STRA6: variants seen among roughly 807,000 people sequenced by gnomAD.
STRA6 encodes receptor for retinol uptake STRA6.
A neutral mutation model predicts 83.6 loss-of-function variants in STRA6; 48 were observed. The ratio of observed to expected loss-of-function variants is 0.57; its 90% CI spans 0.46 to 0.73. STRA6 has a LOEUF of 0.73. Ranked by LOEUF, STRA6 falls within the 30% of genes least tolerant of loss-of-function variation. The pLI is 0.00. For missense variants in STRA6, 760 were observed against 838.8 expected (o/e 0.91, Z 1.16); for synonymous variants, 353 against 362.3 (o/e 0.97, Z 0.29).
chr15:74,190,383 C>T (rs1044305389), intron 11 of STRA6, among the ~76,000 whole-genome samples: 2 of 151,936 alleles, frequency 1.3e-5, no homozygotes, highest in Admixed American at 1.3e-4. Context: ...ATAATCATAC[C>T]CATCTCCCAG....
Position 74,184,988 on chromosome 15 carries a change from C to A in STRA6, c.1158G>T (p.Val386=). 6.2e-7 allele frequency: 1 copy of A among 1,613,894 alleles called. No homozygotes were observed. The highest frequency in any genetic ancestry group is 1.1e-5 in the South Asian group (1 of 91,014). The change falls in exon 13 of 19, where the codon GTG becomes GTT. Residue 386 remains valine, a synonymous_variant. Transcript: ENST00000395105. The part of the protein sequence containing the change: ...LTFLVLMRSL[V]THRTNLRALH... ...CAGAGTCTGTCACTCACCTGTGTGT[C>A]ACCAGTGAGCGCATCAGGACCAGGA...
rs1186107971 is a variant in STRA6, at chr15:74,194,379, T to C, written c.598-457A>G. ...TGGGGGTGGGCTTTTTGTATACTCA[T>C]TCATTTATTTGTTGGTTCAATATAC... On this transcript the variant is annotated intron_variant, in intron 7 of 18. Transcript: ENST00000395105. 24 of 1,063,126 alleles carry C rather than the reference T, an allele frequency of 2.3e-5. No homozygotes were observed. The African/African-American group carries it at 3.0e-4, about 13-fold the overall frequency. The allele number at this position is 1,063,126 out of a possible 1,614,324, so 65.9% of individuals were successfully genotyped here.
upstream of STRA6, among the ~76,000 whole-genome samples, chr15:74,203,828 C>T (rs1009213228): frequency 4.0e-5 from 6 of 151,516 alleles, no homozygotes; most frequent in Admixed American, 6.6e-5. Context: ...GGGGAGATTC[C>T]TGAAGAAAAG....
rs2073362089 is a variant in STRA6, at chr15:74,188,373, G to A, written c.1090+742C>T. Reference sequence around the variant, plus strand: ...TGGGGTCCCCAAGTAAGCAGAAGGCGCATGCCTCCTGAGTCCTCAGCACCG... The same window carrying A: ...TGGGGTCCCCAAGTAAGCAGAAGGCACATGCCTCCTGAGTCCTCAGCACCG... On this transcript the variant is annotated intron_variant, in intron 12 of 18. Coordinates refer to ENST00000395105, the MANE Select transcript of STRA6 (RefSeq NM_022369.4). This position sits in a 1 kb window ranked among gnomAD's most constrained non-coding sequence, Gnocchi z 4.5. Among the ~76,000 whole-genome samples, 2 of 152,232 alleles carry A rather than the reference G, an allele frequency of 1.3e-5. No homozygotes were observed. The highest frequency in any genetic ancestry group is 2.1e-4 in the South Asian group (1 of 4,830).
chr15:74,187,280 C>T (rs2073301280), intron 12 of STRA6, among the ~76,000 whole-genome samples: 1 of 152,234 alleles, frequency 6.6e-6, no homozygotes, highest in Non-Finnish European at 1.5e-5. Flanking sequence ...CAAACCCCAG[C>T]ACTCACACAA....
upstream of STRA6, chr15:74,209,490 A>C: frequency 6.7e-7 from 1 of 1,503,544 alleles, no homozygotes; most frequent in Non-Finnish European, 8.9e-7. Flanking sequence ...GGCCCTGACC[A>C]CAGCTAAGGG....
intron 1 of STRA6, chr15:74,207,961 A>C (rs1595870260): frequency 1.4e-6 from 2 of 1,428,466 alleles, no homozygotes; most frequent in Non-Finnish European, 9.2e-7. Context: ...TCTACCTCCT[A>C]CCTCCCCTGC....
intron 2 of STRA6, among the ~76,000 whole-genome samples, chr15:74,199,439 G>T (rs1380480200): frequency 3.8e-5 from 5 of 130,276 alleles, no homozygotes; most frequent in Non-Finnish European, 1.8e-5. Flanking sequence ...CCCACCTCCA[G>T]CTCCAAGGCC....
chr15:74,194,118 T>C (rs2073692431), intron 7 of STRA6, among the ~76,000 whole-genome samples, 196 bp from the exon 8 acceptor site: 1 of 151,968 alleles, frequency 6.6e-6, no homozygotes, highest in Non-Finnish European at 1.5e-5. Flanking sequence ...CCTGCAGAGA[T>C]GCTCACCCCT....
intron 1 of STRA6, among the ~76,000 whole-genome samples, chr15:74,208,235 C>T (rs540672758): frequency 6.6e-6 from 1 of 152,216 alleles, no homozygotes; most frequent in African/African-American, 2.4e-5. Flanking sequence ...AGTAGTGAGG[C>T]CCCCATCAAG....
chr15:74,205,837 G>A (rs1373515393), upstream of STRA6, among the ~76,000 whole-genome samples: 1 of 152,194 alleles, frequency 6.6e-6, no homozygotes, highest in African/African-American at 2.4e-5. Flanking sequence ...TAAGCAGAGG[G>A]GAGGAAATGG....
chr15:74,194,260 G>C, intron 7 of STRA6: 1 of 944,528 alleles, frequency 1.1e-6, no homozygotes, highest in South Asian at 1.9e-5. Context: ...GAACAGTTCT[G>C]AAAATCACAC....
chr15:74,181,265 C>T (rs754370300), intron 17 of STRA6, 30 bp downstream of exon 17: 2 of 1,610,912 alleles, frequency 1.2e-6, no homozygotes, highest in Non-Finnish European at 1.7e-6. Flanking sequence ...GTAGCCTGAG[C>T]AATCCTCCAG....
At chr15:74,183,603 TTGG>T (rs1171793373) in intron 14 of STRA6, 40 of 1,350,360 alleles carry the variant, frequency 3.0e-5, no homozygotes, top group Non-Finnish European at 3.5e-5. Context: ...ATGTGAATAC[TTGG>T]TGGCACCCAG....
At chr15:74,184,102 C>T (rs1489992930) in intron 13 of STRA6, 113 bp from the exon 14 acceptor site, 1 of 1,497,478 alleles carries the variant, frequency 6.7e-7, no homozygotes, top group African/African-American at 1.4e-5. Context: ...TCACAGCCAT[C>T]AGCAGGGAAG....
chr15:74,210,360 A>G (rs1020450010), upstream of STRA6, among the ~76,000 whole-genome samples: 2 of 152,244 alleles, frequency 1.3e-5, no homozygotes, highest in Non-Finnish European at 2.9e-5. Context: ...GAATGAGGTA[A>G]TTCTCTGGAC....
chr15:74,196,236 G>A lies in STRA6; in HGVS notation c.267-89C>T, dbSNP rs1351215303. On this transcript the variant is annotated intron_variant, in intron 4 of 18. Transcript: ENST00000395105. Reference sequence around the variant, plus strand: ...CAGCTGTATTCCATAAATCAAGGAGGTGGAGTCAGTCCCACTTTCTAGATG... The same window carrying A: ...CAGCTGTATTCCATAAATCAAGGAGATGGAGTCAGTCCCACTTTCTAGATG... The A allele has an allele frequency of 7.0e-6, 11 of 1,560,878 alleles. No homozygotes were observed. In the East Asian group the frequency reaches 9.4e-5, roughly 13 times the overall value.
intron 8 of STRA6, among the ~76,000 whole-genome samples, chr15:74,192,582 A>G (rs1175213205): frequency 6.6e-6 from 1 of 151,896 alleles, no homozygotes; most frequent in Non-Finnish European, 1.5e-5. Flanking sequence ...TGAGCAGTAC[A>G]CCCTCAGGAC....
Position 74,195,257 on chromosome 15 carries a change from G to T in STRA6, c.597+45C>A, listed in dbSNP as rs756396624. On this transcript the variant is annotated intron_variant, in intron 7 of 18. Coordinates refer to ENST00000395105, the MANE Select transcript of STRA6 (RefSeq NM_022369.4). ...GGAGGCACTGTGGTTTGAGTAGGTT[G>T]CTCTGTGCGCCCCTCTGCCCTAGGC... The T allele has an allele frequency of 5.0e-6, 8 of 1,603,250 alleles. No homozygotes were observed. In the South Asian group the frequency reaches 7.8e-5, roughly 16 times the overall value.
Sources: gnomAD v4.1 joint callset for allele counts (sites outside exome capture counted in the v4.1 genomes callset) on GRCh38, gnomAD v4.1.1 for gene constraint, Gnocchi (gnomAD v3.1) non-coding constraint, MANE v1.5 for transcripts, NCBI Gene and HGNC (gene_info 2026-07-23, HGNC 2026-07-21) for gene names.